LMO7: variants seen among roughly 807,000 people sequenced by gnomAD.
The protein encoded by LMO7 is LIM domain 7, also known as LIM domain only protein 7.
LMO7 carries 120 observed loss-of-function variants against 206.5 expected under a neutral mutation model. That is an observed-to-expected ratio of 0.58 (90% confidence interval 0.50 to 0.68). The LOEUF is 0.68. Among genes scored for constraint, LMO7 ranks in the 30% least tolerant of loss-of-function variants. The probability of loss-of-function intolerance (pLI) is 0.00; values close to 1 mark genes in which losing one functional copy is unlikely to be tolerated. For synonymous variants in LMO7, 706 were observed against 681.5 expected, an observed-to-expected ratio of 1.04 and a Z score of -0.56; for missense variants, 1,959 against 1,957.9, an observed-to-expected ratio of 1.00 and a Z score of -0.01.
chr13:75,857,648 C>T (rs1566636113), intron 30 of LMO7: 1 of 277,654 alleles, frequency 3.6e-6, no homozygotes, highest in East Asian at 6.2e-5. Flanking sequence ...GTAAAATTGC[C>T]CATGCCTTTT....
chr13:75,733,572 C>T (rs542079866), intron 3 of LMO7, among the ~76,000 whole-genome samples: 44 of 152,300 alleles, frequency 2.9e-4, no homozygotes, highest in Non-Finnish European at 4.4e-4. Flanking sequence ...TGACCCCTTG[C>T]GCTTCCCGAG....
chr13:75,807,969 A>T lies in LMO7; in HGVS notation c.1686A>T (p.Glu562Asp). The T allele has an allele frequency of 6.2e-7, 1 of 1,613,982 alleles. No homozygotes were observed. The highest frequency in any genetic ancestry group is 8.5e-7 in the Non-Finnish European group (1 of 1,179,886). ...AAGCAAAATTTCTCTGTGTACTTGA[A>T]AGGACATGCCCATCCAAAGAAAAAA... Reference protein sequence around the residue: ...EIQAKFLCVLERTCPSKEKSN... With the variant: ...EIQAKFLCVLDRTCPSKEKSN... Residue 562 changes from glutamate (E) to aspartate (D), a missense_variant, in exon 10 of 31, where the codon GAA (glutamate) becomes GAT (aspartate). By Grantham distance (45) the Glu-to-Asp change is conservative. Transcript: ENST00000377534.
chr13:75,828,237 A>T (rs1190272350), intron 15 of LMO7, among the ~76,000 whole-genome samples: 3 of 152,168 alleles, frequency 2.0e-5, no homozygotes, highest in Non-Finnish European at 4.4e-5. Context: ...TAAATGTTTC[A>T]TTTAATTATC....
intron 11 of LMO7, among the ~76,000 whole-genome samples, chr13:75,812,985 C>T (rs1832368951): frequency 6.6e-6 from 1 of 152,202 alleles, no homozygotes; most frequent in South Asian, 2.1e-4. Context: ...ATCTGTGAGG[C>T]CGACAGATAG....
intron 7 of LMO7, among the ~76,000 whole-genome samples, chr13:75,803,077 GAAAT>G (rs2054978566): frequency 6.6e-6 from 1 of 152,120 alleles, no homozygotes; most frequent in Non-Finnish European, 1.5e-5. Flanking sequence ...TTGGAAATGA[GAAAT>G]AAATGTCTGA....
chr13:75,837,019 G>A (rs1186648370), intron 19 of LMO7, among the ~76,000 whole-genome samples: 1 of 152,092 alleles, frequency 6.6e-6, no homozygotes, highest in African/African-American at 2.4e-5. Context: ...TATTCCTTGG[G>A]CACAGAAAAA....
intron 1 of LMO7, among the ~76,000 whole-genome samples, chr13:75,681,627 A>G (rs1198917390): frequency 2.7e-5 from 4 of 148,180 alleles, no homozygotes; most frequent in African/African-American, 9.9e-5. Context: ...TGCCCTGGCA[A>G]CCCCTGATCT....
At chr13:75,658,685 A>G (rs1281554941) in intron 1 of LMO7, among the ~76,000 whole-genome samples, 3 of 151,438 alleles carry the variant, frequency 2.0e-5, no homozygotes, top group Non-Finnish European at 4.4e-5. Context: ...CTGACCTCAC[A>G]CCATTCTCCT....
At chr13:75,746,082 C>T (rs2046814909) in intron 3 of LMO7, among the ~76,000 whole-genome samples, 1 of 152,134 alleles carries the variant, frequency 6.6e-6, no homozygotes, top group Admixed American at 6.6e-5. Flanking sequence ...GAGACGTAGT[C>T]AAATTTTCCA....
intron 28 of LMO7, among the ~76,000 whole-genome samples, chr13:75,854,611 G>A (rs1299731815): frequency 3.9e-5 from 6 of 152,136 alleles, no homozygotes; most frequent in Admixed American, 1.3e-4. Context: ...CCAACTGGGA[G>A]AGGAGAAAAG....
intron 3 of LMO7, among the ~76,000 whole-genome samples, chr13:75,740,212 C>T (rs981892932): frequency 3.9e-5 from 6 of 152,072 alleles, no homozygotes; most frequent in African/African-American, 7.2e-5. Context: ...TGGGTCAAGC[C>T]GCATGTGTGT....
chr13:75,803,906 T>C (rs1227508782), intron 7 of LMO7, among the ~76,000 whole-genome samples: 2 of 152,198 alleles, frequency 1.3e-5, no homozygotes, highest in Non-Finnish European at 2.9e-5. Flanking sequence ...AATTACTGAG[T>C]TCTCCCAGAA....
At chr13:75,733,772 C>T (rs1053734121) in intron 3 of LMO7, among the ~76,000 whole-genome samples, 1 of 152,176 alleles carries the variant, frequency 6.6e-6, no homozygotes, top group Non-Finnish European at 1.5e-5. Context: ...CATCTTGGCT[C>T]CTCCCTTATT....
intron 1 of LMO7, among the ~76,000 whole-genome samples, chr13:75,671,918 T>C (rs1225021733): frequency 6.6e-6 from 1 of 152,088 alleles, no homozygotes; most frequent in Non-Finnish European, 1.5e-5. Flanking sequence ...CAACTGTGCA[T>C]GGTAAATAAA....
intron 4 of LMO7, among the ~76,000 whole-genome samples, chr13:75,765,371 CT>C (rs77568842): frequency 0.016 from 1,890 of 118,742 alleles, 25 homozygotes; most frequent in African/African-American, 0.037. Flanking sequence ...ACATCTTCAT[CT>C]TTTTTTTTTT....
intron 1 of LMO7, among the ~76,000 whole-genome samples, chr13:75,672,240 ATTTTTTT>A (rs568135884): frequency 3.0e-5 from 4 of 131,584 alleles, no homozygotes; most frequent in Admixed American, 1.5e-4. Flanking sequence ...TTAAAAAAAG[ATTTTTTT>A]TTTTTTTTTT....
At chr13:75,692,752 G>A (rs567816384) in intron 1 of LMO7, among the ~76,000 whole-genome samples, 1 of 152,176 alleles carries the variant, frequency 6.6e-6, no homozygotes, top group South Asian at 2.1e-4. Context: ...ACCAGTTATC[G>A]AATGGCTGTG....
intron 2 of LMO7, among the ~76,000 whole-genome samples, chr13:75,719,986 G>A (rs1309843350): frequency 2.0e-5 from 3 of 152,136 alleles, no homozygotes; most frequent in Admixed American, 6.5e-5. Context: ...GTTGTTCCAC[G>A]TTGTTGTCAG....
intron 3 of LMO7, among the ~76,000 whole-genome samples, chr13:75,737,201 A>C (rs1316335305): frequency 6.6e-6 from 1 of 152,198 alleles, no homozygotes; most frequent in Non-Finnish European, 1.5e-5. Flanking sequence ...ACACAGGAAG[A>C]ATGCCATATA....
Sources: gnomAD v4.1 joint callset for allele counts (sites outside exome capture counted in the v4.1 genomes callset) on GRCh38, gnomAD v4.1.1 for gene constraint, MANE v1.5 for transcripts, NCBI Gene and HGNC (gene_info 2026-07-23, HGNC 2026-07-21) for gene names.